CCDC30: variants seen among roughly 807,000 people sequenced by gnomAD.
CCDC30 encodes coiled-coil domain containing 30, also known as coiled-coil domain-containing protein 30.
Under a neutral mutation model 100.2 loss-of-function variants are expected in CCDC30, and 70 were observed. The observed-to-expected ratio is 0.70, with a 90% confidence interval of 0.58 to 0.85. The LOEUF is 0.85. Among genes scored for constraint, CCDC30 ranks in the 40% least tolerant of loss-of-function variants. The probability of loss-of-function intolerance (pLI) is 0.00; values close to 1 mark genes in which losing one functional copy is unlikely to be tolerated. For missense variants in CCDC30, 652 were observed against 771.2 expected (o/e 0.85, Z 1.83); for synonymous variants, 233 against 269.5 (o/e 0.86, Z 1.33).
chr1:42,630,640 C>A (rs1647020687), intron 11 of CCDC30, among the ~76,000 whole-genome samples: 1 of 152,030 alleles, frequency 6.6e-6, no homozygotes, highest in Non-Finnish European at 1.5e-5. Flanking sequence ...CCTTGGCCTC[C>A]CCAAGTACTG....
intron 15 of CCDC30, among the ~76,000 whole-genome samples, chr1:42,647,932 G>GT (rs1648017399): frequency 1.3e-5 from 2 of 152,096 alleles, no homozygotes; most frequent in South Asian, 4.2e-4. Flanking sequence ...TAAGAGGGGA[G>GT]TTTTTTGTTG....
chr1:42,513,787 G>A (rs1405398729), intron 6 of CCDC30, among the ~76,000 whole-genome samples: 1 of 152,100 alleles, frequency 6.6e-6, no homozygotes, highest in Non-Finnish European at 1.5e-5. Flanking sequence ...AATTTATAAA[G>A]ACGAGGTTTA....
chr1:42,623,353 C>G (rs941455058), intron 11 of CCDC30, among the ~76,000 whole-genome samples: 2 of 152,170 alleles, frequency 1.3e-5, no homozygotes, highest in South Asian at 2.1e-4. Flanking sequence ...TCTTATAGTA[C>G]TCTTACACTT....
At chr1:42,561,354 A>C (rs1645483415) in intron 6 of CCDC30, among the ~76,000 whole-genome samples, 1 of 152,170 alleles carries the variant, frequency 6.6e-6, no homozygotes, top group Non-Finnish European at 1.5e-5. Context: ...AAAGACAAAA[A>C]CACATGGTTA....
intron 10 of CCDC30, among the ~76,000 whole-genome samples, chr1:42,598,475 G>T (rs1427897265): frequency 6.6e-6 from 1 of 152,064 alleles, no homozygotes; most frequent in Non-Finnish European, 1.5e-5. Flanking sequence ...AGCCCAGAAG[G>T]TTGAAGCTGC....
intron 6 of CCDC30, chr1:42,558,074 T>C (rs1645410643): frequency 4.1e-6 from 1 of 245,736 alleles, no homozygotes; most frequent in Non-Finnish European, 8.6e-6. Flanking sequence ...TGGCTGCTTG[T>C]CTAGTAGCTA....
At chr1:42,651,062 T>TA (rs757256519) in intron 15 of CCDC30, among the ~76,000 whole-genome samples, 3 of 152,214 alleles carry the variant, frequency 2.0e-5, no homozygotes, top group Admixed American at 6.5e-5. Flanking sequence ...AACACCACAT[T>TA]AAAAAATCAA....
chr1:42,596,237 G>A lies in CCDC30; in HGVS notation c.1164+6754G>A, dbSNP rs980269297. On this transcript the variant is annotated intron_variant, in intron 10 of 16. Coordinates refer to ENST00000668663, the Ensembl canonical transcript of CCDC30. The surrounding 1 kb of genome is among the most constrained non-coding windows in gnomAD (Gnocchi z 4.3). ...CTCAGTGTATCAAGTCTGAGAGAGA[G>A]AAACTCCAGAGGGACCCAGTCATTA... is the stretch of plus-strand genomic sequence containing the variant. 6.6e-6 allele frequency among the ~76,000 whole-genome samples: 1 copy of A among 152,174 alleles called. No homozygotes were observed. The highest frequency in any genetic ancestry group is 1.5e-5 in the Non-Finnish European group (1 of 68,024).
chr1:42,609,174 C>T (rs1646567401), intron 10 of CCDC30, among the ~76,000 whole-genome samples: 1 of 152,152 alleles, frequency 6.6e-6, no homozygotes, highest in Non-Finnish European at 1.5e-5. Flanking sequence ...ACCAATTTCT[C>T]CTCTTCTCCT....
exon 8 of CCDC30, chr1:42,577,056 T>A: frequency 4.3e-6 from 7 of 1,613,954 alleles, no homozygotes; most frequent in Non-Finnish European, 5.9e-6. Context: ...ACAGAAGTTA[T>A]TAGACAGCAC....
At chr1:42,525,852 C>T (rs1030874823) in intron 6 of CCDC30, among the ~76,000 whole-genome samples, 3 of 152,104 alleles carry the variant, frequency 2.0e-5, no homozygotes, top group Middle Eastern at 3.2e-3. Flanking sequence ...TCTGATCTAG[C>T]TGGTCAGAAC....
intron 6 of CCDC30, among the ~76,000 whole-genome samples, chr1:42,510,441 G>A (rs576831814): frequency 1.3e-5 from 2 of 152,148 alleles, no homozygotes; most frequent in South Asian, 4.2e-4. Flanking sequence ...GGCAGATCAC[G>A]AGGTCAGGAG....
At chr1:42,594,510 A>T (rs1294908294) in intron 10 of CCDC30, 1 of 152,130 alleles carries the variant, frequency 6.6e-6, no homozygotes, top group Non-Finnish European at 1.5e-5. Context: ...TGAGACCTCA[A>T]GTGAAAAAAG....
At chr1:42,561,810 T>C (rs1409085326) in intron 6 of CCDC30, among the ~76,000 whole-genome samples, 2 of 151,946 alleles carry the variant, frequency 1.3e-5, no homozygotes, top group Non-Finnish European at 2.9e-5. Flanking sequence ...ACACCAACAA[T>C]AGGCAAGCAG....
intron 6 of CCDC30, 125 bp from the exon 10 acceptor site, chr1:42,556,031 G>C (rs966235493): frequency 1.3e-5 from 12 of 922,708 alleles, no homozygotes; most frequent in Non-Finnish European, 1.8e-5. Context: ...TAAGATGACT[G>C]TTGTGCTATA....
chr1:42,618,748 A>G (rs150025445), intron 11 of CCDC30, among the ~76,000 whole-genome samples: 2 of 152,264 alleles, frequency 1.3e-5, no homozygotes, highest in African/African-American at 2.4e-5. Flanking sequence ...GGCTCCCTCT[A>G]TCTTGTTTTT....
chr1:42,545,626 T>A, intron 6 of CCDC30, 47 bp downstream of exon 9: 1 of 1,512,146 alleles, frequency 6.6e-7, no homozygotes, highest in Non-Finnish European at 9.0e-7. Context: ...AGAGAGGGTA[T>A]ATTTTATTTG....
rs775775537 is a variant in CCDC30, at chr1:42,545,587, G to C, written c.457-20709G>C. The C allele has an allele frequency of 6.3e-7, 1 of 1,595,934 alleles. No homozygotes were observed. Among genetic ancestry groups the C allele is most frequent in the Non-Finnish European group, 8.5e-7 (1 of 1,173,900 alleles). On this transcript the variant is annotated intron_variant, in intron 6 of 16. Transcript: ENST00000668663. ...AGAGACAGAGGAACTCTGGTAAATT[G>C]GGAAAATCCTATATCACATTAATTA...
rs557621730 is a variant in CCDC30, at chr1:42,560,073, A to C, written c.457-6223A>C. On this transcript the variant is annotated intron_variant, in intron 6 of 16. Transcript: ENST00000668663. ...AAATAATGGAATTAAAGCAGAAATCAAGAAGTTCTTTGAAACCAATGAGAA... is the reference window on the plus strand; with the variant it reads ...AAATAATGGAATTAAAGCAGAAATCCAGAAGTTCTTTGAAACCAATGAGAA... Among the ~76,000 whole-genome samples the C allele has an allele frequency of 2.6e-4, 39 of 152,304 alleles. 1 individual carries two copies. The South Asian group carries it at 8.1e-3, about 32-fold the overall frequency.
Sources: gnomAD v4.1 joint callset for allele counts (sites outside exome capture counted in the v4.1 genomes callset) on GRCh38, gnomAD v4.1.1 for gene constraint, Gnocchi (gnomAD v3.1) non-coding constraint, MANE v1.5 for transcripts, NCBI Gene and HGNC (gene_info 2026-07-23, HGNC 2026-07-21) for gene names.